The following HYDIN variants were observed in gnomAD, a reference collection of about 807,000 sequenced individuals.
HYDIN encodes the protein HYDIN axonemal central pair apparatus protein, also known as axonemal central pair apparatus protein HYDIN.
HYDIN carries 132 observed loss-of-function variants against 403.9 expected under a neutral mutation model. The ratio of observed to expected loss-of-function variants is 0.33; its 90% CI spans 0.28 to 0.38. The LOEUF is 0.38. Among genes scored for constraint, HYDIN ranks in the 10% least tolerant of loss-of-function variants. The probability of loss-of-function intolerance (pLI) is 1.00; values close to 1 mark genes in which losing one functional copy is unlikely to be tolerated. For missense variants in HYDIN, 2,827 were observed against 5,009.5 expected (o/e 0.56, Z 13.15); for synonymous variants, 1,202 against 1,891.7 (o/e 0.64, Z 9.46).
At chr16:70,972,637 C>T (rs2078765480) in intron 35 of HYDIN, among the ~76,000 whole-genome samples, 1 of 151,928 alleles carries the variant, frequency 6.6e-6, no homozygotes, top group Non-Finnish European at 1.5e-5. Flanking sequence ...TTATTCAATA[C>T]TGTGCATTTA....
chr16:70,998,032 C>T (rs2079586114), intron 23 of HYDIN, among the ~76,000 whole-genome samples: 4 of 152,168 alleles, frequency 2.6e-5, no homozygotes, highest in Admixed American at 2.6e-4. Flanking sequence ...GCCAATGAGG[C>T]ATTCAAAAAT....
chr16:70,916,830 TTC>T (rs1262865318), intron 47 of HYDIN, among the ~76,000 whole-genome samples: 1 of 152,134 alleles, frequency 6.6e-6, no homozygotes, highest in Non-Finnish European at 1.5e-5. Context: ...TCTTTTCTTT[TTC>T]TCTTTCTCTC....
At chr16:70,939,602 T>C (rs1613967) in intron 43 of HYDIN, among the ~76,000 whole-genome samples, 1 of 152,242 alleles carries the variant, frequency 6.6e-6, no homozygotes, top group African/African-American at 2.4e-5. Flanking sequence ...AACAGCCCTA[T>C]GAGGGAGGAG....
At chr16:70,921,616 G>C (rs2076997879) in intron 45 of HYDIN, among the ~76,000 whole-genome samples, 2 of 152,140 alleles carry the variant, frequency 1.3e-5, no homozygotes, top group Admixed American at 6.5e-5. Flanking sequence ...TGCACTGCTT[G>C]GTAGCTGTGA....
chr16:70,890,378 C>A (rs1597235183), intron 57 of HYDIN, among the ~76,000 whole-genome samples: 1 of 151,944 alleles, frequency 6.6e-6, no homozygotes, highest in Non-Finnish European at 1.5e-5. Context: ...TAAATAAAAA[C>A]CAATGTAAAG....
intron 18 of HYDIN, among the ~76,000 whole-genome samples, chr16:71,050,581 T>C (rs1375405336): frequency 3.3e-5 from 5 of 152,058 alleles, no homozygotes; most frequent in Non-Finnish European, 7.4e-5. Flanking sequence ...TGGCAACCAC[T>C]GATCTTTTTA....
chr16:70,838,533 T>C (rs1184230701), intron 76 of HYDIN, among the ~76,000 whole-genome samples: 2 of 151,996 alleles, frequency 1.3e-5, no homozygotes, highest in Admixed American at 6.6e-5. Context: ...TACACGAGGG[T>C]TTTGTACCCT....
At chr16:71,224,485 TTGCTC>T (rs2040939837) in intron 1 of HYDIN, among the ~76,000 whole-genome samples, 1 of 152,166 alleles carries the variant, frequency 6.6e-6, no homozygotes, top group Admixed American at 6.5e-5. Context: ...AAATTGTTCT[TTGCTC>T]TGAAATGATT....
At chr16:70,928,563 A>G (rs1371652163) in intron 45 of HYDIN, among the ~76,000 whole-genome samples, 1 of 148,476 alleles carries the variant, frequency 6.7e-6, no homozygotes, top group Non-Finnish European at 1.5e-5. Context: ...CTTGAAGGTG[A>G]TGGCTGAGGA....
At chr16:71,094,089 T>G (rs1381749217) in intron 10 of HYDIN, among the ~76,000 whole-genome samples, 154 bp from the exon 11 acceptor site, 2 of 152,170 alleles carry the variant, frequency 1.3e-5, no homozygotes, top group Non-Finnish European at 2.9e-5. Flanking sequence ...CGCTGAAGAT[T>G]CATCCTATAT....
At chr16:70,835,032 T>TG (rs1240962727) in intron 78 of HYDIN, among the ~76,000 whole-genome samples, 4 of 146,662 alleles carry the variant, frequency 2.7e-5, no homozygotes, top group African/African-American at 1.0e-4. Flanking sequence ...ATATGTTTTT[T>TG]TTTTTTTTGA....
chr16:71,053,932 A>G (rs575777673), intron 18 of HYDIN, among the ~76,000 whole-genome samples: 16 of 152,410 alleles, frequency 1.0e-4, no homozygotes, highest in African/African-American at 3.4e-4. Flanking sequence ...AAATACTTCT[A>G]TGGTAGAACA....
At chr16:70,923,085 T>A (rs1317808032) in intron 45 of HYDIN, among the ~76,000 whole-genome samples, 1 of 151,584 alleles carries the variant, frequency 6.6e-6, no homozygotes, top group African/African-American at 2.4e-5. Context: ...TAACTTTTCA[T>A]AAATTGCAAA....
chr16:71,139,258 G>A (rs1303067941), intron 7 of HYDIN, among the ~76,000 whole-genome samples: 3 of 152,102 alleles, frequency 2.0e-5, no homozygotes, highest in Non-Finnish European at 4.4e-5. Flanking sequence ...GACACTTGGT[G>A]AAAGAAACTC....
intron 67 of HYDIN, 53 bp from the exon 68 acceptor site, chr16:70,863,235 T>G (rs2143624704): frequency 1.3e-6 from 2 of 1,576,870 alleles, no homozygotes; most frequent in East Asian, 4.5e-5. Context: ...GTGGTTTTGG[T>G]CCTGGCTGCA....
chr16:71,071,526 TAAC>T (rs2082468193), intron 13 of HYDIN, among the ~76,000 whole-genome samples: 1 of 150,184 alleles, frequency 6.7e-6, no homozygotes, highest in Non-Finnish European at 1.5e-5. Context: ...TTCAAATAAT[TAAC>T]AACATAATTG....
chr16:71,077,676 T>A (rs1304094590), intron 13 of HYDIN, among the ~76,000 whole-genome samples: 4 of 151,972 alleles, frequency 2.6e-5, no homozygotes, highest in Non-Finnish European at 4.4e-5. Context: ...TTTGTTTTTT[T>A]TGTCTCTGAA....
chr16:71,078,481 A>T (rs2082684357), intron 13 of HYDIN, among the ~76,000 whole-genome samples: 2 of 151,794 alleles, frequency 1.3e-5, no homozygotes, highest in African/African-American at 4.8e-5. Context: ...CTGGTTCCTA[A>T]TAAGAGTTAT....
intron 10 of HYDIN, among the ~76,000 whole-genome samples, chr16:71,101,838 G>A (rs1201581609): frequency 6.6e-6 from 1 of 152,062 alleles, no homozygotes; most frequent in Non-Finnish European, 1.5e-5. Context: ...TGCCACTCCT[G>A]GGGATATATC....
Sources: allele counts gnomAD v4.1 joint callset (sites outside exome capture counted in the v4.1 genomes callset), GRCh38; gene constraint gnomAD v4.1.1; transcripts MANE v1.5; gene names NCBI Gene and HGNC (gene_info 2026-07-23, HGNC 2026-07-21).